Variants in STXBP6 observed in about 807,000 individuals in gnomAD.
The protein encoded by STXBP6 is syntaxin-binding protein 6.
In STXBP6, 21 loss-of-function variants were observed where a neutral mutation model predicts 26.9. The ratio of observed to expected loss-of-function variants is 0.78; its 90% confidence interval spans 0.55 to 1.12. The LOEUF is 1.12. Among genes scored for constraint, STXBP6 ranks in the 50% most tolerant of loss-of-function variants. The pLI is 0.00. For missense variants in STXBP6, 232 were observed against 257.9 expected (o/e 0.90, Z 0.69); for synonymous variants, 97 against 92.6 (o/e 1.05, Z -0.27).
At chr14:24,825,897 C>T (rs2068266020) in intron 4 of STXBP6, among the ~76,000 whole-genome samples, 1 of 152,164 alleles carries the variant, frequency 6.6e-6, no homozygotes, top group South Asian at 2.1e-4. Context: ...TACAGGGTAT[C>T]AGGAGAATGA....
At chr14:24,939,645 T>C (rs149378008) in intron 2 of STXBP6, among the ~76,000 whole-genome samples, 2 of 152,346 alleles carry the variant, frequency 1.3e-5, no homozygotes, top group Non-Finnish European at 2.9e-5. Flanking sequence ...TCTGTGATTC[T>C]AGACCATCGC....
chr14:24,889,889 T>C (rs1285651929), intron 2 of STXBP6, among the ~76,000 whole-genome samples: 2 of 152,230 alleles, frequency 1.3e-5, no homozygotes, highest in African/African-American at 4.8e-5. Context: ...AGAAGCACAC[T>C]TGAAGTTGAG....
rs143436525 is a variant in STXBP6, at chr14:25,033,026, A to G, written c.-33+16852T>C. Among the ~76,000 whole-genome samples the G allele has an allele frequency of 3.8e-4, 58 of 152,334 alleles. No individual in the cohort carries two copies. In the East Asian group the frequency reaches 0.011, roughly 28 times the overall value. ...AGCACACACACCACTTTTCTAAAGAAACTCCTCCTGTTCTAATCCATCAAA... is the reference window on the plus strand; with the variant it reads ...AGCACACACACCACTTTTCTAAAGAGACTCCTCCTGTTCTAATCCATCAAA... On this transcript the variant is annotated intron_variant, in intron 1 of 5. Coordinates refer to ENST00000323944, the MANE Select transcript of STXBP6 (RefSeq NM_001394410.1).
intron 2 of STXBP6, among the ~76,000 whole-genome samples, chr14:24,868,868 G>A (rs748069955): frequency 9.9e-5 from 15 of 152,162 alleles, no homozygotes; most frequent in Non-Finnish European, 1.8e-4. Context: ...AATCTTCAAG[G>A]TCAGTCACGA....
chr14:24,956,198 G>C (rs8019855), intron 2 of STXBP6, among the ~76,000 whole-genome samples: 1 of 151,984 alleles, frequency 6.6e-6, no homozygotes, highest in African/African-American at 2.4e-5. Context: ...AAAAATCACT[G>C]CATCTTTGAA....
chr14:24,946,015 T>G (rs1380319403), intron 2 of STXBP6, among the ~76,000 whole-genome samples: 1 of 152,334 alleles, frequency 6.6e-6, no homozygotes, highest in South Asian at 2.1e-4. Flanking sequence ...GACATACACC[T>G]TCTTAGAGGA....
chr14:24,873,458 G>T (rs2070015866), intron 2 of STXBP6, among the ~76,000 whole-genome samples: 1 of 152,108 alleles, frequency 6.6e-6, no homozygotes, highest in South Asian at 2.1e-4. Context: ...ACACAGCATA[G>T]TCACTCTCTC....
chr14:24,844,022 C>T (rs540113672), intron 4 of STXBP6, among the ~76,000 whole-genome samples: 1 of 152,166 alleles, frequency 6.6e-6, no homozygotes, highest in African/African-American at 2.4e-5. Flanking sequence ...CTCATCCTGA[C>T]CTCCAGGGAG....
intron 2 of STXBP6, among the ~76,000 whole-genome samples, chr14:24,870,922 T>C (rs1474404555): frequency 1.3e-5 from 2 of 152,230 alleles, no homozygotes; most frequent in African/African-American, 4.8e-5. Flanking sequence ...GTACTGCTAT[T>C]TGAGTATGCC....
chr14:24,911,183 A>C (rs1475911720), intron 2 of STXBP6, among the ~76,000 whole-genome samples: 2 of 151,926 alleles, frequency 1.3e-5, no homozygotes, highest in African/African-American at 4.8e-5. Flanking sequence ...AAAAACAAAA[A>C]AAAATTATCC....
chr14:24,812,651 A>T lies in STXBP6; in HGVS notation c.*58T>A. On this transcript the variant is annotated 3_prime_UTR_variant, in exon 6 of 6. Coordinates refer to ENST00000323944, the MANE Select transcript of STXBP6 (RefSeq NM_001394410.1). Reference sequence around the variant, plus strand: ...AGCGGAGGTCCCGAATTCTTGTAAAAACTGCTGAACAAACTCTTCAGTTTC... The same window carrying T: ...AGCGGAGGTCCCGAATTCTTGTAAATACTGCTGAACAAACTCTTCAGTTTC... The T allele has an allele frequency of 6.3e-7, 1 of 1,576,688 alleles. No homozygotes were observed.
intron 2 of STXBP6, among the ~76,000 whole-genome samples, chr14:24,965,698 G>A (rs543055496): frequency 3.6e-4 from 55 of 152,286 alleles, no homozygotes; most frequent in African/African-American, 1.3e-3. Flanking sequence ...AAGACATGAA[G>A]AGCTAGTACA....
chr14:25,009,244 A>G (rs940584425), intron 1 of STXBP6, among the ~76,000 whole-genome samples: 3 of 152,294 alleles, frequency 2.0e-5, no homozygotes, highest in Admixed American at 2.0e-4. Flanking sequence ...ATAAATGGAG[A>G]ATTCTTATCA....
intron 1 of STXBP6, among the ~76,000 whole-genome samples, chr14:25,015,011 T>C (rs2075116479): frequency 6.6e-6 from 1 of 152,192 alleles, no homozygotes; most frequent in Non-Finnish European, 1.5e-5. Flanking sequence ...TATTGATGGC[T>C]GCTTTTACAT....
chr14:24,912,947 C>G (rs538165288), intron 2 of STXBP6, among the ~76,000 whole-genome samples: 20 of 152,166 alleles, frequency 1.3e-4, no homozygotes, highest in African/African-American at 4.6e-4. Flanking sequence ...TTTTCAGAAG[C>G]CAGCACTAGG....
Position 25,006,775 on chromosome 14 carries a change from A to T in STXBP6, c.-32-31925T>A, listed in dbSNP as rs919172551. 5.3e-5 allele frequency among the ~76,000 whole-genome samples: 8 copies of T among 152,198 alleles called. No individual in the cohort carries two copies. In the East Asian group the frequency reaches 1.3e-3, roughly 26 times the overall value. The stretch of plus-strand genomic sequence containing the variant: ...CAATGATTCCATGTACTGACCAAGG[A>T]ACATCAATCACATCTTAGATTCAGC... On this transcript the variant is annotated intron_variant, in intron 1 of 5. Coordinates refer to ENST00000323944, the MANE Select transcript of STXBP6 (RefSeq NM_001394410.1).
At chr14:25,029,272 T>C (rs1036620321) in intron 1 of STXBP6, among the ~76,000 whole-genome samples, 2 of 152,082 alleles carry the variant, frequency 1.3e-5, no homozygotes, top group African/African-American at 2.4e-5. Context: ...TGCTATCTTA[T>C]TTTAAGAAAT....
At chr14:24,892,287 A>T (rs1450084169) in intron 2 of STXBP6, among the ~76,000 whole-genome samples, 12 of 152,118 alleles carry the variant, frequency 7.9e-5, no homozygotes, top group Non-Finnish European at 2.9e-5. Flanking sequence ...AAAAGAGGGT[A>T]GAAGAAAGGG....
chr14:24,903,458 T>C (rs1408114121), intron 2 of STXBP6, among the ~76,000 whole-genome samples: 1 of 152,210 alleles, frequency 6.6e-6, no homozygotes, highest in South Asian at 2.1e-4. Flanking sequence ...TCTTCTATAG[T>C]GTAAGCCACT....
Sources: gnomAD v4.1 joint callset for allele counts (sites outside exome capture counted in the v4.1 genomes callset) on GRCh38, gnomAD v4.1.1 for gene constraint, MANE v1.5 for transcripts, NCBI Gene and HGNC (gene_info 2026-07-23, HGNC 2026-07-21) for gene names.